KIF13B: variants seen among roughly 807,000 people sequenced by gnomAD.
KIF13B encodes kinesin-like protein KIF13B.
A neutral mutation model predicts 222.0 loss-of-function variants in KIF13B; 127 were observed. That is an observed-to-expected ratio of 0.57 (90% CI 0.50 to 0.66). KIF13B has a LOEUF of 0.66. Among genes scored for constraint, KIF13B ranks in the 30% least tolerant of loss-of-function variants. The pLI is 0.00. For synonymous variants in KIF13B, 976 were observed against 919.0 expected (o/e 1.06, Z -1.12); for missense variants, 2,173 against 2,379.0 (o/e 0.91, Z 1.80).
chr8:29,197,547 T>C (rs1029238696), intron 2 of KIF13B, among the ~76,000 whole-genome samples: 2 of 152,058 alleles, frequency 1.3e-5, no homozygotes, highest in Non-Finnish European at 2.9e-5. Flanking sequence ...CACATACACA[T>C]ATATGTTTTT....
At chr8:29,134,883 G>T (rs1318983684) in intron 21 of KIF13B, among the ~76,000 whole-genome samples, 1 of 152,144 alleles carries the variant, frequency 6.6e-6, no homozygotes, top group African/African-American at 2.4e-5. Flanking sequence ...TTGGGGGAAG[G>T]TGTATCAAAG....
intron 36 of KIF13B, among the ~76,000 whole-genome samples, chr8:29,097,637 GCAAT>G (rs2133566488): frequency 6.6e-6 from 1 of 152,162 alleles, no homozygotes; most frequent in African/African-American, 2.4e-5. Context: ...GATCAAAGAA[GCAAT>G]CAGAGGGAAA....
intron 2 of KIF13B, among the ~76,000 whole-genome samples, chr8:29,236,269 A>G (rs2130610390): frequency 6.6e-6 from 1 of 152,340 alleles, no homozygotes; most frequent in East Asian, 1.9e-4. Flanking sequence ...ACAAATAATA[A>G]AAGATACATT....
intron 37 of KIF13B, among the ~76,000 whole-genome samples, chr8:29,084,527 G>A (rs1807957151): frequency 6.6e-6 from 1 of 152,184 alleles, no homozygotes; most frequent in Admixed American, 6.5e-5. Context: ...TATCCCTGCT[G>A]TTGATAAGGC....
rs1033631404 is a variant in KIF13B, at chr8:29,071,795, G to A, written c.5043C>T (p.Gly1681=). The A allele has an allele frequency of 2.6e-6, 4 of 1,546,452 alleles. No individual in the cohort carries two copies. The African/African-American group carries it at 5.5e-5, about 21-fold the overall frequency. Residue 1681 remains glycine (G), a synonymous_variant, in exon 39 of 40, where the codon GGC becomes GGT. Transcript: ENST00000524189. The surrounding 1 kb of genome is among the most constrained non-coding windows in gnomAD (Gnocchi z 4.9). Reference sequence around the variant, plus strand: ...CAGAGGCCAGGGCCTGTCCCCCGGCGCCCGGGGCCGGCGCATTCCCCTCGG... The same window carrying A: ...CAGAGGCCAGGGCCTGTCCCCCGGCACCCGGGGCCGGCGCATTCCCCTCGG... The part of the protein sequence containing the change: ...PGAEGNAPAP[G]AGGQALASDS...
At chr8:29,177,686 G>A in intron 8 of KIF13B, 108 bp from the exon 9 acceptor site, 1 of 765,068 alleles carries the variant, frequency 1.3e-6, no homozygotes, top group Non-Finnish European at 2.3e-6. Context: ...AGGATCACCT[G>A]AGCCCAGGAT....
chr8:29,177,662 G>C lies in KIF13B; in HGVS notation c.721-84C>G. The C allele has an allele frequency of 3.3e-6, 3 of 913,942 alleles. No homozygotes were observed. In the Admixed American group the frequency reaches 5.1e-5, roughly 16 times the overall value. The allele number at this position is 913,942 out of a possible 1,614,324, so 56.6% of individuals were successfully genotyped here. On this transcript the variant is annotated intron_variant, in intron 8 of 39. Transcript: ENST00000524189. ...CATGCCAGTAATCCCAGCACTTTGG[G>C]AGGACAAGGAAGGAGGATCACCTGA...
intron 37 of KIF13B, among the ~76,000 whole-genome samples, chr8:29,080,045 G>A (rs1265855158): frequency 6.6e-6 from 1 of 152,076 alleles, no homozygotes; most frequent in East Asian, 1.9e-4. Flanking sequence ...ACATACAATG[G>A]ATACAAATCA....
At chr8:29,123,602 C>T (rs1809974797) in intron 27 of KIF13B, 110 bp from the exon 28 acceptor site, 3 of 1,403,480 alleles carry the variant, frequency 2.1e-6, no homozygotes, top group Non-Finnish European at 2.0e-6. Flanking sequence ...CTCACAAGTG[C>T]TCCCCAGTGA....
At chr8:29,109,544 C>T in intron 33 of KIF13B, 33 bp from the exon 34 acceptor site, 1 of 1,570,016 alleles carries the variant, frequency 6.4e-7, no homozygotes, top group Non-Finnish European at 8.8e-7. Flanking sequence ...AGGAAAAAGA[C>T]ATGTAAGAGA....
At chr8:29,178,681 GT>G (rs1369643713) in intron 8 of KIF13B, among the ~76,000 whole-genome samples, 1 of 146,202 alleles carries the variant, frequency 6.8e-6, no homozygotes, top group Admixed American at 6.8e-5. Flanking sequence ...TCTTCAGTAT[GT>G]TTTTTGTTTT....
At chr8:29,228,778 T>C (rs1340328976) in intron 2 of KIF13B, among the ~76,000 whole-genome samples, 2 of 151,990 alleles carry the variant, frequency 1.3e-5, no homozygotes, top group Non-Finnish European at 2.9e-5. Context: ...CAAAGTTTCA[T>C]TGTAACACAT....
intron 37 of KIF13B, among the ~76,000 whole-genome samples, chr8:29,076,647 C>T (rs1807573368): frequency 1.3e-5 from 2 of 152,202 alleles, no homozygotes; most frequent in Non-Finnish European, 2.9e-5. Flanking sequence ...GGAATAGCCT[C>T]GCTTCACCTG....
intron 13 of KIF13B, among the ~76,000 whole-genome samples, chr8:29,156,513 T>C (rs1295407458): frequency 6.6e-6 from 1 of 151,748 alleles, no homozygotes; most frequent in Non-Finnish European, 1.5e-5. Flanking sequence ...CACTTATTTT[T>C]TATTTATTTA....
Position 29,116,401 on chromosome 8 carries a change from G to A in KIF13B, c.3837+430C>T, listed in dbSNP as rs79387012. On this transcript the variant is annotated intron_variant, in intron 31 of 39. Transcript: ENST00000524189. ...GAAGGATCACCTGAGCCCAGGAGAC[G>A]ATGGCTGCAGTGAGCTATGATCGCA... 3.6e-3 allele frequency among the ~76,000 whole-genome samples: 543 copies of A among 152,192 alleles called. 6 individuals are homozygous for A. Among genetic ancestry groups the A allele is most frequent in the Non-Finnish European group, 3.7e-3 (252 of 68,020 alleles).
At chr8:29,213,353 A>C (rs1814317405) in intron 2 of KIF13B, among the ~76,000 whole-genome samples, 1 of 152,256 alleles carries the variant, frequency 6.6e-6, no homozygotes, top group Non-Finnish European at 1.5e-5. Flanking sequence ...ATAACCCTAC[A>C]GCATCAATCC....
In KIF13B at chr8:29,071,680, C is replaced by G; in HGVS notation, c.5158G>C (p.Val1720Leu). 6.4e-7 allele frequency: 1 copy of G among 1,554,352 alleles called. No homozygotes were observed. Among genetic ancestry groups the G allele is most frequent in the Non-Finnish European group, 8.7e-7 (1 of 1,149,310 alleles). ...CCCTCTTGGAAGTCGGCAGGCCCCA[C>G]GTATCTCACCACGCCCGTTTTGTGG... ...GAHKTGVVRYVGPADFQEGTW... is the reference protein window; with the variant it reads ...GAHKTGVVRYLGPADFQEGTW... Residue 1720 changes from valine to leucine, a missense_variant, in exon 39 of 40, where the codon GTG (valine) becomes CTG (leucine). Val to Leu is a conservative substitution (Grantham distance 32, BLOSUM62 1). Transcript: ENST00000524189. The surrounding 1 kb of genome is among the most constrained non-coding windows in gnomAD (Gnocchi z 4.9).
chr8:29,181,005 C>A (rs1812690267), intron 7 of KIF13B, among the ~76,000 whole-genome samples: 1 of 152,184 alleles, frequency 6.6e-6, no homozygotes, highest in African/African-American at 2.4e-5. Context: ...TAGGGCAGCC[C>A]AATCTTCAAC....
intron 10 of KIF13B, among the ~76,000 whole-genome samples, chr8:29,171,676 G>GAAA (rs372998659): frequency 1.9e-5 from 2 of 108,012 alleles, no homozygotes; most frequent in African/African-American, 6.6e-5. Flanking sequence ...CATGTTTTGC[G>GAAA]AAAAAAAAAA....
Sources: gnomAD v4.1 joint callset for allele counts (sites outside exome capture counted in the v4.1 genomes callset) on GRCh38, gnomAD v4.1.1 for gene constraint, Gnocchi (gnomAD v3.1) non-coding constraint, MANE v1.5 for transcripts, NCBI Gene and HGNC (gene_info 2026-07-23, HGNC 2026-07-21) for gene names.